The following ZCCHC7 variants were observed in gnomAD, a reference collection of about 807,000 sequenced individuals.
ZCCHC7 encodes the protein zinc finger CCHC-type containing 7, also known as zinc finger CCHC domain-containing protein 7.
In ZCCHC7, 35 loss-of-function variants were observed where a neutral mutation model predicts 52.0. That is an observed-to-expected ratio of 0.67 (90% CI 0.51 to 0.89). The LOEUF (loss-of-function observed/expected upper bound fraction) is 0.89. ZCCHC7 is among the 40% of genes least tolerant of loss of function. The pLI is 0.00. For synonymous variants in ZCCHC7, 217 were observed against 221.5 expected, an observed-to-expected ratio of 0.98 and a Z score of 0.18; for missense variants, 574 against 649.1, an observed-to-expected ratio of 0.88 and a Z score of 1.26.
chr9:37,173,116 G>A (rs949460323), intron 2 of ZCCHC7, among the ~76,000 whole-genome samples: 11 of 150,838 alleles, frequency 7.3e-5, no homozygotes, highest in Admixed American at 2.6e-4. Flanking sequence ...ATAGGGACTC[G>A]AGTGAACAAC....
intron 2 of ZCCHC7, among the ~76,000 whole-genome samples, chr9:37,155,033 G>A (rs1313689916): frequency 6.6e-6 from 1 of 152,078 alleles, no homozygotes; most frequent in East Asian, 1.9e-4. Flanking sequence ...CCACATTTGT[G>A]GGTGTTCTGG....
Position 37,354,676 on chromosome 9 carries a change from C to A in ZCCHC7, c.1084-34C>A. 1 of 1,491,764 alleles carries A rather than the reference C, an allele frequency of 6.7e-7. No homozygotes were observed. The highest frequency in any genetic ancestry group is 1.2e-5 in the South Asian group (1 of 86,952). 92.4% of individuals were successfully genotyped at this position (1,491,764 alleles called of 1,614,324 possible). A position where few individuals can be genotyped will look rare whatever the true frequency, so the allele number is the denominator to read the frequency against. ...CAAAAAGGTTTTTGAACAGTGTGAC[C>A]ATGTGACATCATAATTTTACATACA... On this transcript the variant is annotated intron_variant, in intron 7 of 8. Coordinates refer to ENST00000336755, the MANE Select transcript of ZCCHC7 (RefSeq NM_032226.3). This position sits in a 1 kb window ranked among gnomAD's most constrained non-coding sequence, Gnocchi z 4.0.
chr9:37,272,289 G>A (rs555375745), intron 2 of ZCCHC7, among the ~76,000 whole-genome samples: 1 of 152,038 alleles, frequency 6.6e-6, no homozygotes, highest in South Asian at 2.1e-4. Context: ...CAATAAATTG[G>A]CTCTTTAATC....
At chr9:37,259,092 G>C (rs1414941085) in intron 2 of ZCCHC7, among the ~76,000 whole-genome samples, 3 of 152,084 alleles carry the variant, frequency 2.0e-5, no homozygotes, top group Non-Finnish European at 4.4e-5. Flanking sequence ...AAAAAACTTG[G>C]GTTAGCGTCT....
chr9:37,242,805 A>C (rs907299944), intron 2 of ZCCHC7, among the ~76,000 whole-genome samples: 1 of 151,852 alleles, frequency 6.6e-6, no homozygotes, highest in African/African-American at 2.4e-5. Context: ...ATTGCTTTTA[A>C]ATTAAAAGCT....
At chr9:37,238,732 C>A (rs1348901891) in intron 2 of ZCCHC7, among the ~76,000 whole-genome samples, 1 of 152,106 alleles carries the variant, frequency 6.6e-6, no homozygotes, top group Non-Finnish European at 1.5e-5. Flanking sequence ...TGCTTCAAAT[C>A]ATGAGAATCC....
At chr9:37,317,372 C>T (rs1829868499) in intron 5 of ZCCHC7, among the ~76,000 whole-genome samples, 1 of 152,114 alleles carries the variant, frequency 6.6e-6, no homozygotes, top group Non-Finnish European at 1.5e-5. Context: ...GCAAGAAAGC[C>T]TGGAATATGT....
At chr9:37,223,482 G>T (rs1824931950) in intron 2 of ZCCHC7, among the ~76,000 whole-genome samples, 1 of 152,114 alleles carries the variant, frequency 6.6e-6, no homozygotes, top group South Asian at 2.1e-4. Context: ...GTTACTGGGG[G>T]TTGGGTGGGA....
chr9:37,280,822 G>T (rs1827923565), intron 2 of ZCCHC7, among the ~76,000 whole-genome samples: 1 of 152,004 alleles, frequency 6.6e-6, no homozygotes, highest in African/African-American at 2.4e-5. Context: ...AGGTTGGAAT[G>T]TAGAGGCACA....
chr9:37,311,295 C>A (rs1829588284), intron 5 of ZCCHC7, among the ~76,000 whole-genome samples: 1 of 152,174 alleles, frequency 6.6e-6, no homozygotes, highest in African/African-American at 2.4e-5. Flanking sequence ...CAATTTTTTT[C>A]TCAAATTCCC....
In ZCCHC7 at chr9:37,126,397, C is replaced by T; in HGVS notation, c.65C>T (p.Ser22Phe). The T allele has an allele frequency of 1.2e-6, 2 of 1,614,056 alleles. No individual in the cohort carries two copies. The highest frequency in any genetic ancestry group is 1.7e-6 in the Non-Finnish European group (2 of 1,180,020). Reference protein sequence around the residue: ...YEDDLYRDESSSELSVDSEVE... With the variant: ...YEDDLYRDESFSELSVDSEVE... ...GATGATCTTTATCGAGATGAGTCAT[C>T]TAGTGAACTGAGTGTTGATAGTGAG... The change falls in exon 2 of 9, where the codon TCT becomes TTT. Residue 22 changes from serine (S) to phenylalanine (F), a missense_variant. Physicochemically the swap from Ser to Phe is radical, Grantham distance 155 (BLOSUM62 -2). Coordinates refer to ENST00000336755, the MANE Select transcript of ZCCHC7 (RefSeq NM_032226.3).
chr9:37,220,090 G>A (rs1824730470), intron 2 of ZCCHC7, among the ~76,000 whole-genome samples: 1 of 152,224 alleles, frequency 6.6e-6, no homozygotes, highest in African/African-American at 2.4e-5. Flanking sequence ...AGGAAGTAAT[G>A]AAACATACGT....
intron 6 of ZCCHC7, among the ~76,000 whole-genome samples, chr9:37,329,020 T>C (rs1048857351): frequency 2.0e-5 from 3 of 151,944 alleles, no homozygotes; most frequent in African/African-American, 7.2e-5. Flanking sequence ...ACATTGTTTG[T>C]GCTTATGTAG....
intron 6 of ZCCHC7, among the ~76,000 whole-genome samples, chr9:37,338,465 T>C (rs1830783483): frequency 6.6e-6 from 1 of 152,154 alleles, no homozygotes; most frequent in Non-Finnish European, 1.5e-5. Flanking sequence ...AAACATAAAG[T>C]AGTGCAAGAC....
intron 2 of ZCCHC7, among the ~76,000 whole-genome samples, chr9:37,162,049 A>T (rs1360745626): frequency 1.3e-5 from 2 of 152,194 alleles, no homozygotes; most frequent in East Asian, 3.9e-4. Flanking sequence ...GATACTTTGG[A>T]AAGTTGTGGA....
At chr9:37,120,998 C>T (rs1292468249) in intron 1 of ZCCHC7, 2 of 153,458 alleles carry the variant, frequency 1.3e-5, no homozygotes, top group African/African-American at 2.4e-5. Flanking sequence ...GAGAGAGAGT[C>T]CAGTCTTTGA....
chr9:37,305,567 C>A lies in ZCCHC7; in HGVS notation c.804C>A (p.Cys268Ter). The A allele has an allele frequency of 6.2e-7, 1 of 1,613,984 alleles. No individual in the cohort carries two copies. The highest frequency in any genetic ancestry group is 8.5e-7 in the Non-Finnish European group (1 of 1,180,010). Reference protein sequence around the residue: ...LPRKVRRCFLCSRRGHLLYSC... With the variant: ...LPRKVRRCFL ...AGAAAGTTCGTCGCTGCTTCCTGTG[C>A]TCCAGGAGAGGACATCTCCTGTATT... The change falls in exon 5 of 9, where the codon TGC becomes TGA. Residue 268 changes from cysteine to a stop codon, truncating the protein, a stop_gained. Coordinates refer to ENST00000336755, the MANE Select transcript of ZCCHC7 (RefSeq NM_032226.3). LOFTEE classifies it high-confidence loss of function.
At chr9:37,175,485 C>T (rs1456891055) in intron 2 of ZCCHC7, among the ~76,000 whole-genome samples, 1 of 152,120 alleles carries the variant, frequency 6.6e-6, no homozygotes, top group African/African-American at 2.4e-5. Context: ...AGGCGGGTCA[C>T]TTGAGTCCAG....
rs531790100 is a variant in ZCCHC7, at chr9:37,172,609, G to A, written c.610+45667G>A. On this transcript the variant is annotated intron_variant, in intron 2 of 8. Transcript: ENST00000336755. The stretch of plus-strand genomic sequence containing the variant: ...AATTTGAGCAACAGTTTTTGTGTGA[G>A]CAACGACATGAGTGAGCAATATGGG... 1.3e-4 allele frequency among the ~76,000 whole-genome samples: 20 copies of A among 152,362 alleles called. No homozygotes were observed. In the South Asian group the frequency reaches 2.9e-3, roughly 22 times the overall value.
Sources: allele counts gnomAD v4.1 joint callset (sites outside exome capture counted in the v4.1 genomes callset), GRCh38; gene constraint gnomAD v4.1.1; non-coding constraint Gnocchi (gnomAD v3.1); transcripts MANE v1.5; gene names NCBI Gene and HGNC (gene_info 2026-07-23, HGNC 2026-07-21).